The following GABRB3 variants were observed in gnomAD, a reference collection of about 807,000 sequenced individuals.
GABRB3 encodes the protein gamma-aminobutyric acid type A receptor subunit beta3.
GABRB3 carries 14 observed loss-of-function variants against 52.1 expected under a neutral mutation model. The ratio of observed to expected loss-of-function variants is 0.27; its 90% confidence interval spans 0.18 to 0.42. GABRB3 has a LOEUF of 0.42. Ranked by LOEUF, GABRB3 falls within the 10% of genes least tolerant of loss-of-function variation. The pLI is 1.00. For synonymous variants in GABRB3, 260 were observed against 232.3 expected, an observed-to-expected ratio of 1.12 and a Z score of -1.08; for missense variants, 307 against 609.1, an observed-to-expected ratio of 0.50 and a Z score of 5.22.
At chr15:26,652,295 C>T (rs958881513) in intron 3 of GABRB3, among the ~76,000 whole-genome samples, 4 of 152,228 alleles carry the variant, frequency 2.6e-5, no homozygotes, top group Admixed American at 2.0e-4. Flanking sequence ...ATTTTATCTG[C>T]AATTCACATA....
intron 7 of GABRB3, among the ~76,000 whole-genome samples, chr15:26,562,254 TA>T (rs1353965590): frequency 1.3e-5 from 2 of 152,196 alleles, no homozygotes; most frequent in African/African-American, 4.8e-5. Flanking sequence ...TTGGAGACTG[TA>T]TTTTTGACAT....
Position 26,773,032 on chromosome 15 carries a change from C to CCTGCTG in GABRB3, c.-76_-71dup. On this transcript the variant is annotated 5_prime_UTR_variant, in exon 1 of 9. Coordinates refer to ENST00000311550, the MANE Select transcript of GABRB3 (RefSeq NM_000814.6). ...GTCGCGACCCGCAGCCGGGGCTGCT[C>CCTGCTG]CTGCTGCTGCCGCCGCCGCCGCCGC... 9.6e-7 allele frequency: 1 copy of CCTGCTG among 1,040,772 alleles called. No homozygotes were observed. The highest frequency in any genetic ancestry group is 1.1e-6 in the Non-Finnish European group (1 of 891,690). The allele number at this position is 1,040,772 out of a possible 1,614,324, so 64.5% of individuals were successfully genotyped here.
chr15:26,657,884 A>C (rs1887422569), intron 3 of GABRB3, among the ~76,000 whole-genome samples: 1 of 152,194 alleles, frequency 6.6e-6, no homozygotes, highest in African/African-American at 2.4e-5. Flanking sequence ...AAAACGAAGA[A>C]GATAACAGCC....
Position 26,760,446 on chromosome 15 carries a change from G to T in GABRB3, c.240+11956C>A, listed in dbSNP as rs962812133. 3.3e-5 allele frequency among the ~76,000 whole-genome samples: 5 copies of T among 152,092 alleles called. No individual in the cohort carries two copies. In the East Asian group the frequency reaches 9.6e-4, roughly 29 times the overall value. ...CACCTCAGATTTTCTACTGCAGAGG[G>T]TGAGCTTGAAAGCTAAACCCTCTAT... On this transcript the variant is annotated intron_variant, in intron 3 of 8. Coordinates refer to ENST00000311550, the MANE Select transcript of GABRB3 (RefSeq NM_000814.6).
chr15:26,664,478 C>G (rs1379520606), intron 3 of GABRB3, among the ~76,000 whole-genome samples: 1 of 152,082 alleles, frequency 6.6e-6, no homozygotes, highest in Non-Finnish European at 1.5e-5. Flanking sequence ...TCACTTATAA[C>G]TTCATTCAGT....
chr15:26,726,647 A>C (rs1889780186), intron 3 of GABRB3, among the ~76,000 whole-genome samples: 1 of 152,128 alleles, frequency 6.6e-6, no homozygotes, highest in South Asian at 2.1e-4. Flanking sequence ...TTTTTGGCAA[A>C]TATGTCATAG....
chr15:26,698,600 G>A (rs1888824143), intron 3 of GABRB3, among the ~76,000 whole-genome samples: 1 of 152,178 alleles, frequency 6.6e-6, no homozygotes, highest in African/African-American at 2.4e-5. Context: ...ATACATCCAA[G>A]AGAGAAAACA....
intron 3 of GABRB3, among the ~76,000 whole-genome samples, chr15:26,764,345 C>G (rs1595357593): frequency 6.6e-6 from 1 of 150,986 alleles, no homozygotes; most frequent in African/African-American, 2.4e-5. Context: ...TTCATATCCT[C>G]TTTTAAAAAC....
At chr15:26,581,833 T>G (rs936618565) in intron 5 of GABRB3, among the ~76,000 whole-genome samples, 2 of 152,250 alleles carry the variant, frequency 1.3e-5, no homozygotes, top group Admixed American at 1.3e-4. Flanking sequence ...TTCAAAGCAC[T>G]ACCACTATTT....
chr15:26,609,824 T>G (rs1406083500), intron 4 of GABRB3, among the ~76,000 whole-genome samples: 1 of 151,882 alleles, frequency 6.6e-6, no homozygotes. Flanking sequence ...ACTAGCTAGC[T>G]AGATAAATAC....
intron 3 of GABRB3, among the ~76,000 whole-genome samples, chr15:26,740,337 C>T (rs1163138797): frequency 6.6e-6 from 1 of 152,058 alleles, no homozygotes; most frequent in Non-Finnish European, 1.5e-5. Flanking sequence ...AAGTAGTGAT[C>T]AATTCACCCT....
chr15:26,715,950 T>C (rs1331039619), intron 3 of GABRB3, among the ~76,000 whole-genome samples: 1 of 152,052 alleles, frequency 6.6e-6, no homozygotes, highest in Non-Finnish European at 1.5e-5. Context: ...AAAAGCAAAA[T>C]ACACAGAGAA....
chr15:26,722,388 A>C (rs1477300021), intron 3 of GABRB3, among the ~76,000 whole-genome samples: 1 of 152,186 alleles, frequency 6.6e-6, no homozygotes, highest in African/African-American at 2.4e-5. Flanking sequence ...ACAAACACTG[A>C]GGCCCTCCAG....
intron 3 of GABRB3, among the ~76,000 whole-genome samples, chr15:26,691,082 A>G (rs2140664332): frequency 6.7e-6 from 1 of 149,196 alleles, no homozygotes; most frequent in African/African-American, 2.5e-5. Context: ...TTTTTTCTTC[A>G]GGATTCTTTT....
intron 4 of GABRB3, among the ~76,000 whole-genome samples, chr15:26,584,972 G>T (rs1646544692): frequency 6.6e-6 from 1 of 152,174 alleles, no homozygotes; most frequent in Non-Finnish European, 1.5e-5. Flanking sequence ...GATAAGAGTG[G>T]AAGTGCATCT....
chr15:26,773,589 T>G (rs1007176665), upstream of GABRB3: 330 of 1,436,628 alleles, frequency 2.3e-4, no homozygotes, highest in Non-Finnish European at 3.1e-4. Flanking sequence ...CCCGCCGGAC[T>G]GCGGGCCGCC....
At chr15:26,611,146 T>C (rs996957496) in intron 4 of GABRB3, among the ~76,000 whole-genome samples, 47 of 152,146 alleles carry the variant, frequency 3.1e-4, no homozygotes, top group Non-Finnish European at 3.5e-4. Flanking sequence ...AAATGATAAC[T>C]AGTTTTGTAT....
intron 3 of GABRB3, 144 bp downstream of exon 3, chr15:26,772,258 C>G (rs949922748): frequency 3.6e-5 from 24 of 671,974 alleles, no homozygotes; most frequent in Non-Finnish European, 5.5e-5. Flanking sequence ...AGCGAGGGGC[C>G]GGCGCCTGGG....
chr15:26,750,220 T>A (rs1359193791), intron 3 of GABRB3: 1 of 152,176 alleles, frequency 6.6e-6, no homozygotes, highest in East Asian at 1.9e-4. Context: ...TAGGAGAGGT[T>A]CAGTGAAGGA....
Sources: gnomAD v4.1 joint callset for allele counts (sites outside exome capture counted in the v4.1 genomes callset) on GRCh38, gnomAD v4.1.1 for gene constraint, MANE v1.5 for transcripts, NCBI Gene and HGNC (gene_info 2026-07-23, HGNC 2026-07-21) for gene names.